CSMD1: variants seen among roughly 807,000 people sequenced by gnomAD.
The protein encoded by CSMD1 is CUB and sushi domain-containing protein 1.
CSMD1 carries 213 observed loss-of-function variants against 417.5 expected under a neutral mutation model. The ratio of observed to expected loss-of-function variants is 0.51; its 90% CI spans 0.46 to 0.57. The LOEUF is 0.57. CSMD1 is among the 20% of genes least tolerant of loss of function. CSMD1 has a pLI of 0.00. For missense variants in CSMD1, 6,923 were observed against 4,529.7 expected, an observed-to-expected ratio of 1.53 and a Z score of -15.17; for synonymous variants, 2,862 against 1,736.8, an observed-to-expected ratio of 1.65 and a Z score of -16.11.
At chr8:3,684,951 C>A (rs1799872160) in intron 7 of CSMD1, among the ~76,000 whole-genome samples, 1 of 152,062 alleles carries the variant, frequency 6.6e-6, no homozygotes, top group Non-Finnish European at 1.5e-5. Context: ...AATTAAACTG[C>A]CTTTGGAATA....
At chr8:4,437,309 G>C (rs916294430) in intron 2 of CSMD1, among the ~76,000 whole-genome samples, 1 of 151,968 alleles carries the variant, frequency 6.6e-6, no homozygotes. Context: ...TTTAGTTTGA[G>C]AGAAAAAAAA....
chr8:3,322,953 T>G (rs1019508638), intron 23 of CSMD1, among the ~76,000 whole-genome samples: 4 of 152,230 alleles, frequency 2.6e-5, no homozygotes, highest in Admixed American at 2.6e-4. Flanking sequence ...TTGTTTTTGT[T>G]TTCCTATGGA....
intron 3 of CSMD1, among the ~76,000 whole-genome samples, chr8:4,084,785 C>T (rs1800332407): frequency 6.7e-6 from 1 of 149,044 alleles, no homozygotes; most frequent in African/African-American, 2.5e-5. Context: ...GTAGCATTTC[C>T]ATTCAAGTCC....
At chr8:4,889,061 G>A (rs62484651) in intron 1 of CSMD1, among the ~76,000 whole-genome samples, 7,274 of 152,174 alleles carry the variant, frequency 0.048, 260 homozygotes, top group South Asian at 0.12. Context: ...GGATGAATAT[G>A]TGGTAAGCCC....
At chr8:4,108,919 A>C (rs1297561533) in intron 3 of CSMD1, among the ~76,000 whole-genome samples, 1 of 152,190 alleles carries the variant, frequency 6.6e-6, no homozygotes, top group Non-Finnish European at 1.5e-5. Context: ...AAACTGTGAC[A>C]AAAAATTCCA....
At chr8:3,677,824 T>C (rs1015639037) in intron 7 of CSMD1, among the ~76,000 whole-genome samples, 1 of 152,152 alleles carries the variant, frequency 6.6e-6, no homozygotes, top group African/African-American at 2.4e-5. Context: ...TAAAACTGCA[T>C]ATTTCAATAA....
At chr8:4,025,554 C>T (rs1407735408) in intron 4 of CSMD1, among the ~76,000 whole-genome samples, 1 of 152,076 alleles carries the variant, frequency 6.6e-6, no homozygotes, top group African/African-American at 2.4e-5. Context: ...CATATTTCTC[C>T]CCTAGACAGA....
chr8:3,815,916 G>T (rs570961271), intron 5 of CSMD1, among the ~76,000 whole-genome samples: 50 of 152,132 alleles, frequency 3.3e-4, no homozygotes, highest in African/African-American at 1.2e-3. Flanking sequence ...ATAGAAAGAG[G>T]AAAAAGAACA....
chr8:4,574,154 A>C (rs1467715719), intron 2 of CSMD1, among the ~76,000 whole-genome samples: 1 of 140,074 alleles, frequency 7.1e-6, no homozygotes, highest in African/African-American at 2.5e-5. Context: ...TTGGGGTTCC[A>C]GGAGACGCTG....
At chr8:3,705,316 C>G (rs1015264722) in intron 7 of CSMD1, among the ~76,000 whole-genome samples, 6 of 152,182 alleles carry the variant, frequency 3.9e-5, no homozygotes, top group Non-Finnish European at 1.5e-5. Flanking sequence ...GGAGCAGAGA[C>G]AGCTTCAGGG....
intron 7 of CSMD1, among the ~76,000 whole-genome samples, chr8:3,689,465 G>T (rs973307051): frequency 6.6e-6 from 1 of 152,208 alleles, no homozygotes; most frequent in Non-Finnish European, 1.5e-5. Flanking sequence ...GACGTAGAAA[G>T]ATTCTTGAAG....
At chr8:3,419,151 C>G (rs1208005873) in intron 12 of CSMD1, among the ~76,000 whole-genome samples, 1 of 152,294 alleles carries the variant, frequency 6.6e-6, no homozygotes, top group South Asian at 2.1e-4. Flanking sequence ...TTCTCTAATT[C>G]TTAACTCAGC....
At chr8:4,765,303 G>A (rs533044292) in intron 1 of CSMD1, among the ~76,000 whole-genome samples, 6 of 152,238 alleles carry the variant, frequency 3.9e-5, no homozygotes, top group African/African-American at 7.2e-5. Flanking sequence ...CTAACTCAGG[G>A]GTAGCAATCC....
chr8:4,785,792 T>C (rs12680259), intron 1 of CSMD1, among the ~76,000 whole-genome samples: 7 of 152,070 alleles, frequency 4.6e-5, no homozygotes, highest in Non-Finnish European at 1.0e-4. Context: ...TTATAAGATA[T>C]AAGTGTTGCC....
chr8:4,932,856 G>A (rs1036633450), intron 1 of CSMD1, among the ~76,000 whole-genome samples: 1 of 152,154 alleles, frequency 6.6e-6, no homozygotes, highest in African/African-American at 2.4e-5. Flanking sequence ...TCCTGTCGAC[G>A]CCTCAAACAT....
chr8:4,199,618 T>G (rs1799535405), intron 3 of CSMD1, among the ~76,000 whole-genome samples: 1 of 152,298 alleles, frequency 6.6e-6, no homozygotes, highest in Non-Finnish European at 1.5e-5. Flanking sequence ...ACGCCTTGCA[T>G]TTTGCTTTGC....
At chr8:4,656,254 G>C (rs192371952) in intron 1 of CSMD1, among the ~76,000 whole-genome samples, 144 of 152,106 alleles carry the variant, frequency 9.5e-4, no homozygotes, top group Middle Eastern at 3.4e-3. Context: ...AGACTTTCAG[G>C]GGGCAGTAGA....
At chr8:3,389,538 T>C (rs1390346808) in intron 17 of CSMD1, among the ~76,000 whole-genome samples, 3 of 152,198 alleles carry the variant, frequency 2.0e-5, no homozygotes, top group African/African-American at 7.2e-5. Flanking sequence ...ATTTCATTTC[T>C]TCAAAAAGGT....
intron 7 of CSMD1, among the ~76,000 whole-genome samples, chr8:3,671,233 A>G (rs916534978): frequency 7.0e-6 from 1 of 143,586 alleles, no homozygotes; most frequent in African/African-American, 2.5e-5. Flanking sequence ...TGTATATGGG[A>G]TATATATGTG....
Sources: allele counts gnomAD v4.1 joint callset (sites outside exome capture counted in the v4.1 genomes callset), GRCh38; gene constraint gnomAD v4.1.1; transcripts MANE v1.5; gene names NCBI Gene and HGNC (gene_info 2026-07-23, HGNC 2026-07-21).